NMD3: variants seen among roughly 807,000 people sequenced by gnomAD.
NMD3 encodes NMD3 ribosome export adaptor.
NMD3 carries 47 observed loss-of-function variants against 73.1 expected under a neutral mutation model. The ratio of observed to expected loss-of-function variants is 0.64; its 90% CI spans 0.51 to 0.82. The LOEUF is 0.82. Among genes scored for constraint, NMD3 ranks in the 40% least tolerant of loss-of-function variants. The probability of loss-of-function intolerance (pLI) is 0.00; values close to 1 mark genes in which losing one functional copy is unlikely to be tolerated. For missense variants in NMD3, 554 were observed against 612.5 expected (o/e 0.90, Z 1.01); for synonymous variants, 210 against 194.5 (o/e 1.08, Z -0.66).
chr3:161,221,684 C>A (rs1010003272), intron 1 of NMD3: 1 of 202,076 alleles, frequency 4.9e-6, no homozygotes. Flanking sequence ...TCCACAATCC[C>A]GAGCTGACCT....
At chr3:161,225,325 A>G (rs1560063596) in intron 3 of NMD3, among the ~76,000 whole-genome samples, 1 of 152,206 alleles carries the variant, frequency 6.6e-6, no homozygotes, top group South Asian at 2.1e-4. Context: ...TTTGATGTAT[A>G]TAGTTAATAG....
intron 10 of NMD3, among the ~76,000 whole-genome samples, chr3:161,242,223 A>T (rs62279860): frequency 0.17 from 25,341 of 152,046 alleles, 2,344 homozygotes; most frequent in East Asian, 0.24. Flanking sequence ...AAACAGCTGT[A>T]CCACTGATTG....
intron 2 of NMD3, 143 bp downstream of exon 2, chr3:161,222,200 A>G (rs912167460): frequency 1.5e-6 from 1 of 689,526 alleles, no homozygotes; most frequent in Admixed American, 2.5e-5. Flanking sequence ...TTATTTCTGT[A>G]GAAAATCGAA....
rs1737467839 is a variant in NMD3 at position 161,251,026 on chromosome 3, G to A, written c.*116G>A. ...AGAGGAGAAATTTAGTTTTAAACCT[G>A]AATAAACATGTTTGTTTTCAGTGCT... On this transcript the variant is annotated 3_prime_UTR_variant, in exon 16 of 16. Coordinates refer to ENST00000351193, the MANE Select transcript of NMD3 (RefSeq NM_015938.5). 2.7e-6 allele frequency: 2 copies of A among 730,276 alleles called. No individual in the cohort carries two copies. The highest frequency in any genetic ancestry group is 4.3e-6 in the Non-Finnish European group (2 of 460,000). The allele number at this position is 730,276 out of a possible 1,614,324, so 45.2% of individuals were successfully genotyped here. A position where few individuals can be genotyped will look rare whatever the true frequency, so the allele number is the denominator to read the frequency against.
intron 4 of NMD3, among the ~76,000 whole-genome samples, chr3:161,228,390 G>T (rs1004939995): frequency 6.6e-6 from 1 of 150,944 alleles, no homozygotes; most frequent in Admixed American, 6.6e-5. Flanking sequence ...GGTTTTTTTC[G>T]CTCCCCTCTG....
chr3:161,235,030 C>T, intron 6 of NMD3, 92 bp from the exon 7 acceptor site: 5 of 888,270 alleles, frequency 5.6e-6, no homozygotes, highest in African/African-American at 3.4e-5. Flanking sequence ...TTTGAAAAAT[C>T]AGTATGCTCT....
At chr3:161,242,027 G>A (rs1737003115) in intron 10 of NMD3, among the ~76,000 whole-genome samples, 1 of 151,900 alleles carries the variant, frequency 6.6e-6, no homozygotes, top group South Asian at 2.1e-4. Flanking sequence ...TATACAAAAA[G>A]TGAGTTTATT....
At chr3:161,241,730 T>G (rs1329137614) in intron 10 of NMD3, among the ~76,000 whole-genome samples, 1 of 152,152 alleles carries the variant, frequency 6.6e-6, no homozygotes, top group Non-Finnish European at 1.5e-5. Flanking sequence ...GAAATTGACT[T>G]ATTTACCTCA....
chr3:161,226,372 C>T (rs964678449), intron 3 of NMD3, among the ~76,000 whole-genome samples: 2 of 150,958 alleles, frequency 1.3e-5, no homozygotes, highest in Non-Finnish European at 3.0e-5. Flanking sequence ...CGCTTGAACC[C>T]GAGAGGCAGA....
chr3:161,231,324 T>C (rs1736538487), intron 4 of NMD3, among the ~76,000 whole-genome samples: 1 of 152,078 alleles, frequency 6.6e-6, no homozygotes, highest in Non-Finnish European at 1.5e-5. Flanking sequence ...ATGTTTGGAA[T>C]TGATAGTTTG....
downstream of NMD3, chr3:161,252,310 G>T (rs1737521560): frequency 6.6e-6 from 1 of 152,130 alleles, no homozygotes; most frequent in Non-Finnish European, 1.5e-5. Context: ...GTTTGAAATG[G>T]TCGCATTGGT....
In NMD3 at chr3:161,250,836, C is replaced by A; in HGVS notation, c.1438C>A (p.Leu480Met). 7 of 1,611,746 alleles carry A rather than the reference C, an allele frequency of 4.3e-6. No individual in the cohort carries two copies. Among genetic ancestry groups the A allele is most frequent in the Non-Finnish European group, 5.9e-6 (7 of 1,178,014 alleles). ...TGATGAAGGAGCACCTCGAATTAGT[C>A]TGGCTGAGATGCTTGAAGACCTTCA... ...TDDEGAPRISLAEMLEDLHIS... is the reference protein window; with the variant it reads ...TDDEGAPRISMAEMLEDLHIS... The change falls in exon 16 of 16, where the codon CTG (leucine) becomes ATG (methionine). Residue 480 changes from leucine to methionine, a missense_variant. By Grantham distance (15) the Leu-to-Met change is conservative. Coordinates refer to ENST00000351193, the MANE Select transcript of NMD3 (RefSeq NM_015938.5).
intron 4 of NMD3, 78 bp downstream of exon 4, chr3:161,227,421 A>G: frequency 4.7e-6 from 3 of 635,058 alleles, no homozygotes; most frequent in Non-Finnish European, 8.2e-6. Context: ...TCTTGTGAGT[A>G]GGTTTTTCAA....
intron 2 of NMD3, 126 bp downstream of exon 2, chr3:161,222,183 A>G (rs1166308264): frequency 1.6e-5 from 12 of 759,854 alleles, no homozygotes; most frequent in Middle Eastern, 5.0e-4. Flanking sequence ...GGGAAAAAAT[A>G]GAAGTCTTAT....
chr3:161,234,455 A>ATG (rs1736662400), intron 5 of NMD3, among the ~76,000 whole-genome samples: 2 of 150,008 alleles, frequency 1.3e-5, no homozygotes, highest in Non-Finnish European at 3.0e-5. Flanking sequence ...ATATATATAT[A>ATG]TATGTAAAAT....
chr3:161,227,437 ATTTT>A (rs55825529), intron 4 of NMD3, 94 bp downstream of exon 4: 1,196 of 358,764 alleles, frequency 3.3e-3, no homozygotes, highest in Admixed American at 4.1e-3. Context: ...TTCAAAAGGA[ATTTT>A]TTTTTTTTTT....
chr3:161,244,165 G>A (rs1484261468), intron 11 of NMD3, among the ~76,000 whole-genome samples: 1 of 152,046 alleles, frequency 6.6e-6, no homozygotes, highest in Non-Finnish European at 1.5e-5. Flanking sequence ...TGATCTTGCC[G>A]TGTTGTTTGG....
downstream of NMD3, chr3:161,253,459 T>C (rs1390474476): frequency 6.6e-6 from 1 of 152,222 alleles, no homozygotes; most frequent in Non-Finnish European, 1.5e-5. Context: ...GTAAACAATT[T>C]GCCTCATTTG....
chr3:161,250,945 A>T lies in NMD3; in HGVS notation c.*35A>T. The T allele has an allele frequency of 6.3e-7, 1 of 1,584,968 alleles. No homozygotes were observed. Among genetic ancestry groups the T allele is most frequent in the Non-Finnish European group, 8.6e-7 (1 of 1,160,434 alleles). On this transcript the variant is annotated 3_prime_UTR_variant, in exon 16 of 16. Transcript: ENST00000351193. ...GTAGACTGTTTCCATACATGGGCTT[A>T]AGAAGTTGGACAGAGTTACCTTAAG...
Sources: gnomAD v4.1 joint callset for allele counts (sites outside exome capture counted in the v4.1 genomes callset) on GRCh38, gnomAD v4.1.1 for gene constraint, MANE v1.5 for transcripts, NCBI Gene and HGNC (gene_info 2026-07-23, HGNC 2026-07-21) for gene names.